Variants in NAV2 observed in about 807,000 individuals in gnomAD.
NAV2 encodes helicase, APC down-regulated 1.
NAV2 carries 54 observed loss-of-function variants against 223.2 expected under a neutral mutation model. That is an observed-to-expected ratio of 0.24 (90% confidence interval 0.19 to 0.30). The LOEUF is 0.30. NAV2 is among the 10% of genes least tolerant of loss of function. The pLI is 1.00. For synonymous variants in NAV2, 1,279 were observed against 1,239.3 expected (o/e 1.03, Z -0.67); for missense variants, 2,806 against 3,147.5 (o/e 0.89, Z 2.60).
chr11:19,523,753 T>C (rs1199472324), intron 1 of NAV2, among the ~76,000 whole-genome samples: 1 of 152,172 alleles, frequency 6.6e-6, no homozygotes, highest in Non-Finnish European at 1.5e-5. Context: ...CTCGTCACCA[T>C]CTGCACCCCA....
chr11:19,844,955 G>A (rs2060709330), intron 3 of NAV2, among the ~76,000 whole-genome samples: 1 of 152,128 alleles, frequency 6.6e-6, no homozygotes. Context: ...CGTACAGGAT[G>A]TGAGTCCAGG....
At chr11:19,801,171 A>G (rs2152769177) in intron 1 of NAV2, among the ~76,000 whole-genome samples, 1 of 152,352 alleles carries the variant, frequency 6.6e-6, no homozygotes, top group South Asian at 2.1e-4. Flanking sequence ...TGGCAGCCAG[A>G]CAGGTCATTT....
chr11:20,044,827 T>C (rs2153585274), intron 13 of NAV2, 141 bp from the exon 14 acceptor site: 1 of 651,512 alleles, frequency 1.5e-6, no homozygotes, highest in South Asian at 2.1e-5. Context: ...GTAGACTATA[T>C]TATTTTTATA....
intron 1 of NAV2, among the ~76,000 whole-genome samples, chr11:19,380,816 G>T (rs1848813371): frequency 6.6e-6 from 1 of 152,170 alleles, no homozygotes; most frequent in Admixed American, 6.5e-5. Flanking sequence ...GTGTAAAGTG[G>T]CCAACTGTCC....
chr11:19,630,822 G>T (rs1261833516), intron 1 of NAV2, among the ~76,000 whole-genome samples: 2 of 150,518 alleles, frequency 1.3e-5, no homozygotes, highest in Non-Finnish European at 2.9e-5. Context: ...GCTGCAGTGA[G>T]CCGAGATTTC....
At chr11:20,092,444 A>G in intron 28 of NAV2, 76 bp downstream of exon 28, 1 of 1,472,664 alleles carries the variant, frequency 6.8e-7, no homozygotes, top group Non-Finnish European at 9.3e-7. Flanking sequence ...GAACCCCAAA[A>G]TAAGCAGATC....
At chr11:19,624,903 T>C (rs577094668) in intron 1 of NAV2, among the ~76,000 whole-genome samples, 1 of 152,326 alleles carries the variant, frequency 6.6e-6, no homozygotes, top group East Asian at 1.9e-4. Context: ...GAACCAGATC[T>C]TTCAAAATAT....
At chr11:19,434,700 T>C (rs1193268685) in intron 1 of NAV2, among the ~76,000 whole-genome samples, 1 of 152,128 alleles carries the variant, frequency 6.6e-6, no homozygotes, top group African/African-American at 2.4e-5. Flanking sequence ...AACTGGGAGG[T>C]GGAGTCAACA....
At chr11:19,412,140 C>G (rs1794120823) in intron 1 of NAV2, among the ~76,000 whole-genome samples, 1 of 152,178 alleles carries the variant, frequency 6.6e-6, no homozygotes, top group African/African-American at 2.4e-5. Flanking sequence ...GCAGCTCCCA[C>G]CCCCACAGAG....
intron 1 of NAV2, among the ~76,000 whole-genome samples, chr11:19,633,396 T>C (rs994309052): frequency 2.0e-5 from 3 of 152,156 alleles, no homozygotes; most frequent in Non-Finnish European, 2.9e-5. Flanking sequence ...GGCTAAGAGG[T>C]ACTCAGCCCG....
At chr11:20,113,041 G>A (rs1262103890) in intron 36 of NAV2, among the ~76,000 whole-genome samples, 1 of 152,190 alleles carries the variant, frequency 6.6e-6, no homozygotes, top group Non-Finnish European at 1.5e-5. Flanking sequence ...TGTGCTCTAA[G>A]GCCCCCTGCA....
intron 3 of NAV2, among the ~76,000 whole-genome samples, chr11:19,856,676 G>A (rs1450583784): frequency 6.6e-6 from 1 of 152,190 alleles, no homozygotes; most frequent in East Asian, 1.9e-4. Context: ...GTGATTTGGG[G>A]TTAGATTTCT....
intron 1 of NAV2, among the ~76,000 whole-genome samples, chr11:19,444,654 T>G (rs2133731518): frequency 6.6e-6 from 1 of 152,308 alleles, no homozygotes; most frequent in East Asian, 1.9e-4. Context: ...AGTTTGGATC[T>G]TACCTGTTAA....
chr11:20,079,982 G>A, intron 24 of NAV2, 82 bp from the exon 25 acceptor site: 1 of 1,538,246 alleles, frequency 6.5e-7, no homozygotes. Context: ...AGGTGGGTGG[G>A]TTTTGCTTAA....
intron 4 of NAV2, among the ~76,000 whole-genome samples, chr11:19,874,919 G>A (rs1340339250): frequency 6.6e-6 from 1 of 152,234 alleles, no homozygotes; most frequent in African/African-American, 2.4e-5. Flanking sequence ...CACTTTGGGA[G>A]GCCGAGGTGG....
intron 8 of NAV2, 112 bp downstream of exon 8, chr11:19,939,885 G>A (rs1268207130): frequency 1.7e-6 from 1 of 603,242 alleles, no homozygotes; most frequent in East Asian, 3.2e-5. Context: ...TGTTTGCATT[G>A]ACTTTGAGCT....
intron 1 of NAV2, among the ~76,000 whole-genome samples, chr11:19,614,424 A>C (rs934694864): frequency 6.6e-6 from 1 of 152,116 alleles, no homozygotes; most frequent in Middle Eastern, 3.4e-3. Flanking sequence ...TTAATTAATA[A>C]ATTTTATTGT....
chr11:19,977,507 G>C (rs112548146), intron 10 of NAV2, among the ~76,000 whole-genome samples: 2,774 of 152,292 alleles, frequency 0.018, 90 homozygotes, highest in African/African-American at 0.063. Flanking sequence ...TAGGATATTA[G>C]AGTCACTGCA....
intron 8 of NAV2, among the ~76,000 whole-genome samples, chr11:19,944,071 G>A (rs1210792078): frequency 1.3e-5 from 2 of 152,062 alleles, no homozygotes; most frequent in Admixed American, 6.6e-5. Context: ...TGTGGTGGCG[G>A]GCGCCTGTTA....
Sources: allele counts gnomAD v4.1 joint callset (sites outside exome capture counted in the v4.1 genomes callset), GRCh38; gene constraint gnomAD v4.1.1; transcripts MANE v1.5; gene names NCBI Gene and HGNC (gene_info 2026-07-23, HGNC 2026-07-21).